VTCN1: variants seen among roughly 807,000 people sequenced by gnomAD.
VTCN1 encodes the protein V-set domain-containing T-cell activation inhibitor 1.
In VTCN1, 26 loss-of-function variants were observed where a neutral mutation model predicts 26.5. The ratio of observed to expected loss-of-function variants is 0.98; its 90% CI spans 0.72 to 1.36. The LOEUF is 1.36. Ranked by LOEUF, VTCN1 falls within the 40% of genes most tolerant of loss-of-function variation. VTCN1 has a pLI of 0.00. For missense variants in VTCN1, 298 were observed against 337.7 expected, an observed-to-expected ratio of 0.88 and a Z score of 0.92; for synonymous variants, 116 against 130.7, an observed-to-expected ratio of 0.89 and a Z score of 0.77.
intron 1 of VTCN1, among the ~76,000 whole-genome samples, chr1:117,191,964 G>A (rs576944016): frequency 6.6e-6 from 1 of 151,792 alleles, no homozygotes; most frequent in Non-Finnish European, 1.5e-5. Flanking sequence ...ACCCTGTGGG[G>A]TGGGAGGGAA....
rs1215043784 is a variant in VTCN1 at position 117,144,553 on chromosome 1, G to C, written c.*718C>G. ...CCATTCACGGATGAACATCATCTGA[G>C]AAATAAACCCGCATTTGTTTGTTTA... On this transcript the variant is annotated 3_prime_UTR_variant, in exon 6 of 6. Transcript: ENST00000369458. 2 of 152,166 alleles carry C rather than the reference G, an allele frequency of 1.3e-5. No individual in the cohort carries two copies. Among genetic ancestry groups the C allele is most frequent in the Admixed American group, 6.5e-5 (1 of 15,280 alleles). 9.4% of individuals were successfully genotyped at this position (152,166 alleles called of 1,614,324 possible).
chr1:117,157,017 A>G, intron 2 of VTCN1, 96 bp from the exon 3 acceptor site: 1 of 1,603,452 alleles, frequency 6.2e-7, no homozygotes, highest in Non-Finnish European at 8.5e-7. Context: ...GACTTCTGTG[A>G]TAAATTAAAA....
chr1:117,207,016 C>T (rs1159238487), intron 1 of VTCN1, among the ~76,000 whole-genome samples: 7 of 152,030 alleles, frequency 4.6e-5, no homozygotes, highest in African/African-American at 1.7e-4. Flanking sequence ...GCTGAGATCT[C>T]CTCAGCCCAG....
At position 117,183,740 on chromosome 1, in the gene VTCN1, T is replaced by TAGCC. The variant is rs1223016906; in HGVS notation, c.33-13573_33-13570dup. 6.6e-6 allele frequency among the ~76,000 whole-genome samples: 1 copy of TAGCC among 152,142 alleles called. No homozygotes were observed. The highest frequency in any genetic ancestry group is 2.4e-5 in the African/African-American group (1 of 41,426). ...AATTTCCAGAATAGTGCATACTAAA[T>TAGCC]AGCCTTTAAAAAAATCCTTGATAAA... On this transcript the variant is annotated intron_variant, in intron 1 of 5. Coordinates refer to ENST00000369458, the MANE Select transcript of VTCN1 (RefSeq NM_024626.4). This position sits in a 1 kb window ranked among gnomAD's most constrained non-coding sequence, Gnocchi z 4.1.
At chr1:117,166,490 C>T (rs7419157) in intron 2 of VTCN1, among the ~76,000 whole-genome samples, 1 of 151,900 alleles carries the variant, frequency 6.6e-6, no homozygotes, top group Non-Finnish European at 1.5e-5. Flanking sequence ...CGCGGTGGCT[C>T]ACACCTGTAA....
At position 117,196,594 on chromosome 1, in the gene VTCN1, C is replaced by CT. The variant is rs1390119070; in HGVS notation, c.32+14229dup. On this transcript the variant is annotated intron_variant, in intron 1 of 5. Coordinates refer to ENST00000369458, the MANE Select transcript of VTCN1 (RefSeq NM_024626.4). ...CATATGTTAAAAAAGAAAACTCTGC[C>CT]TTTTTTTTTTTAAGAGTACAGTCTA... 8.5e-3 allele frequency among the ~76,000 whole-genome samples: 1,225 copies of CT among 144,392 alleles called. 17 individuals carry two copies. Among genetic ancestry groups the CT allele is most frequent in the African/African-American group, 0.028 (1,125 of 39,578 alleles). The allele number at this position is 144,392 out of a possible 152,430, so 94.7% of individuals were successfully genotyped here.
chr1:117,208,017 G>T (rs565566386), intron 1 of VTCN1, among the ~76,000 whole-genome samples: 7 of 152,208 alleles, frequency 4.6e-5, no homozygotes, highest in African/African-American at 1.2e-4. Context: ...CCCTCTGAAG[G>T]CTCTGAAGGC....
At chr1:117,179,322 G>A (rs1198546349) in intron 1 of VTCN1, among the ~76,000 whole-genome samples, 4 of 152,128 alleles carry the variant, frequency 2.6e-5, no homozygotes, top group African/African-American at 9.7e-5. Context: ...TTTAGAAGAA[G>A]GGAAATCAGG....
rs1206071949 is a variant in VTCN1, at chr1:117,145,183, T to C, written c.*88A>G. On this transcript the variant is annotated 3_prime_UTR_variant, in exon 6 of 6. Coordinates refer to ENST00000369458, the MANE Select transcript of VTCN1 (RefSeq NM_024626.4). The surrounding 1 kb of genome is among the most constrained non-coding windows in gnomAD (Gnocchi z 4.6). ...ATGAATTCATTTCCTCCCAGAAATA[T>C]AAAACTAGGTCATATCTGGTGGTGA... The C allele has an allele frequency of 3.3e-5, 5 of 152,268 alleles. No individual in the cohort carries two copies. Among genetic ancestry groups the C allele is most frequent in the Non-Finnish European group, 4.4e-5 (3 of 68,040 alleles). The allele number at this position is 152,268 out of a possible 1,614,324, so 9.4% of individuals were successfully genotyped here. A position where few individuals can be genotyped will look rare whatever the true frequency, so the allele number is the denominator to read the frequency against.
intron 2 of VTCN1, among the ~76,000 whole-genome samples, chr1:117,168,666 A>G (rs1189253051): frequency 6.6e-6 from 1 of 152,246 alleles, no homozygotes; most frequent in Non-Finnish European, 1.5e-5. Context: ...GTTTGCATCC[A>G]TGATAAAGAA....
chr1:117,210,738 G>A, intron 1 of VTCN1, 86 bp downstream of exon 1: 5 of 1,446,824 alleles, frequency 3.5e-6, no homozygotes, highest in Non-Finnish European at 4.8e-6. Flanking sequence ...GGGTCCTATG[G>A]GACAGCCCAG....
At chr1:117,156,095 G>A (rs1652054563) in intron 3 of VTCN1, among the ~76,000 whole-genome samples, 1 of 152,140 alleles carries the variant, frequency 6.6e-6, no homozygotes, top group African/African-American at 2.4e-5. Context: ...AACAAAGGGT[G>A]GATTTCATTG....
chr1:117,178,850 A>G (rs1456218872), intron 1 of VTCN1, among the ~76,000 whole-genome samples: 1 of 151,970 alleles, frequency 6.6e-6, no homozygotes, highest in Admixed American at 6.6e-5. Context: ...CTTGGCCTCT[A>G]GAGTATTAGG....
intron 2 of VTCN1, among the ~76,000 whole-genome samples, chr1:117,157,695 A>G (rs898491455): frequency 3.9e-5 from 6 of 152,126 alleles, no homozygotes; most frequent in Non-Finnish European, 8.8e-5. Context: ...ACGTTCTCAC[A>G]TTTCAAAACC....
rs1652030477 is a variant in VTCN1, at chr1:117,155,594, C to T, written c.445+980G>A. On this transcript the variant is annotated intron_variant, in intron 3 of 5. Transcript: ENST00000369458. The surrounding 1 kb of genome is among the most constrained non-coding windows in gnomAD (Gnocchi z 4.8). The stretch of plus-strand genomic sequence containing the variant: ...TCAGTTGGCTCCAGTATCCCTTTGA[C>T]ATGACCCCATTTTAAGATGAAGAAA... Among the ~76,000 whole-genome samples, 1 of 152,216 alleles carries T rather than the reference C, an allele frequency of 6.6e-6. No homozygotes were observed. The highest frequency in any genetic ancestry group is 1.5e-5 in the Non-Finnish European group (1 of 68,030).
At chr1:117,179,025 A>C (rs1647541643) in intron 1 of VTCN1, among the ~76,000 whole-genome samples, 1 of 152,198 alleles carries the variant, frequency 6.6e-6, no homozygotes, top group Admixed American at 6.5e-5. Context: ...ATAGCAATGT[A>C]GTGGCGGTAC....
At position 117,188,590 on chromosome 1, in the gene VTCN1, C is replaced by G. The variant is rs553936785; in HGVS notation, c.33-18419G>C. ...CTACTGGTCATGCTGAATCAATTCA[C>G]CAATCACATTTATTTCTCTAAGTGT... On this transcript the variant is annotated intron_variant, in intron 1 of 5. Coordinates refer to ENST00000369458, the MANE Select transcript of VTCN1 (RefSeq NM_024626.4). 1.0e-3 allele frequency among the ~76,000 whole-genome samples: 153 copies of G among 152,294 alleles called. 1 individual carries two copies. Among genetic ancestry groups the G allele is most frequent in the Admixed American group, 2.1e-3 (32 of 15,292 alleles).
chr1:117,159,642 T>G lies in VTCN1; in HGVS notation c.98-2721A>C, dbSNP rs1336238022. Among the ~76,000 whole-genome samples, 2 of 152,246 alleles carry G rather than the reference T, an allele frequency of 1.3e-5. No homozygotes were observed. The highest frequency in any genetic ancestry group is 1.3e-4 in the Admixed American group (2 of 15,290). On this transcript the variant is annotated intron_variant, in intron 2 of 5. Transcript: ENST00000369458. This position sits in a 1 kb window ranked among gnomAD's most constrained non-coding sequence, Gnocchi z 4.7. ...AACTGTAATTACACATATAAGGTAT[T>G]GTTATTCTCAGTTAACCAGAAGTAG...
chr1:117,182,721 C>T (rs1647733063), intron 1 of VTCN1, among the ~76,000 whole-genome samples: 1 of 152,230 alleles, frequency 6.6e-6, no homozygotes, highest in South Asian at 2.1e-4. Context: ...GCCTTCAACA[C>T]AGGGCCTGCC....
Sources: allele counts gnomAD v4.1 joint callset (sites outside exome capture counted in the v4.1 genomes callset), GRCh38; gene constraint gnomAD v4.1.1; non-coding constraint Gnocchi (gnomAD v3.1); transcripts MANE v1.5; gene names NCBI Gene and HGNC (gene_info 2026-07-23, HGNC 2026-07-21).